Variants in MGAT4C observed in about 807,000 individuals in gnomAD.
MGAT4C encodes the protein alpha-1,3-mannosyl-glycoprotein 4-beta-N-acetylglucosaminyltransferase C.
MGAT4C carries 19 observed loss-of-function variants against 40.1 expected under a neutral mutation model. The observed-to-expected ratio is 0.47, with a 90% CI of 0.33 to 0.70. The LOEUF (loss-of-function observed/expected upper bound fraction) is 0.70. MGAT4C is among the 30% of genes least tolerant of loss of function. The pLI is 0.02. For missense variants in MGAT4C, 491 were observed against 563.2 expected (o/e 0.87, Z 1.30); for synonymous variants, 181 against 187.1 (o/e 0.97, Z 0.27).
chr12:86,214,274 C>G (rs995961163), intron 1 of MGAT4C, among the ~76,000 whole-genome samples: 24 of 152,140 alleles, frequency 1.6e-4, no homozygotes, highest in East Asian at 3.9e-4. Context: ...CTGCTCAGAT[C>G]AAAGCATCAG....
At position 86,340,342 on chromosome 12, in the gene MGAT4C, C is replaced by T. The variant is rs536862808; in HGVS notation, c.-119-6215G>A. On this transcript the variant is annotated intron_variant, in intron 3 of 7. Coordinates refer to the MGAT4C transcript ENST00000548651. ...TAAAATAACCAGGGAAATTAGAAGA[C>T]GTTTTGCATCAGATGAATGAAAATA... 2.6e-3 allele frequency among the ~76,000 whole-genome samples: 393 copies of T among 152,074 alleles called. 9 individuals carry two copies. The South Asian group carries it at 0.059, about 23-fold the overall frequency.
chr12:86,091,619 G>T (rs1324410486), intron 1 of MGAT4C, among the ~76,000 whole-genome samples: 5 of 152,036 alleles, frequency 3.3e-5, no homozygotes, highest in Non-Finnish European at 5.9e-5. Flanking sequence ...TCAGAGAAAT[G>T]CTGAGGGATT....
chr12:86,709,124 A>G (rs556901491), intron 2 of MGAT4C, among the ~76,000 whole-genome samples: 1 of 152,248 alleles, frequency 6.6e-6, no homozygotes, highest in African/African-American at 2.4e-5. Context: ...AGGTAATTGA[A>G]TCATGGGGAC....
chr12:86,208,921 C>T (rs1393847125), intron 1 of MGAT4C, among the ~76,000 whole-genome samples: 1 of 152,112 alleles, frequency 6.6e-6, no homozygotes, highest in Non-Finnish European at 1.5e-5. Context: ...TATACATTCG[C>T]TACTTACTTC....
chr12:86,561,932 G>A (rs1012612649), intron 2 of MGAT4C, among the ~76,000 whole-genome samples: 2 of 152,166 alleles, frequency 1.3e-5, no homozygotes, highest in South Asian at 4.1e-4. Context: ...TAAAAGTATA[G>A]AGAACACTGA....
chr12:86,060,038 A>G (rs1159332785), intron 1 of MGAT4C, among the ~76,000 whole-genome samples: 1 of 152,184 alleles, frequency 6.6e-6, no homozygotes, highest in African/African-American at 2.4e-5. Context: ...AAACACGCAA[A>G]CATGGCTATC....
intron 3 of MGAT4C, among the ~76,000 whole-genome samples, chr12:86,365,453 C>T (rs1955571322): frequency 6.6e-6 from 1 of 152,142 alleles, no homozygotes; most frequent in Admixed American, 6.5e-5. Flanking sequence ...AGATTAAAGA[C>T]AGGCATAGGA....
At chr12:86,154,416 C>T (rs533589950) in intron 1 of MGAT4C, among the ~76,000 whole-genome samples, 1 of 152,274 alleles carries the variant, frequency 6.6e-6, no homozygotes, top group Admixed American at 6.5e-5. Context: ...GGTCCCTCAG[C>T]TCCGGTGTAA....
chr12:86,409,329 C>T (rs1956555599), intron 3 of MGAT4C, among the ~76,000 whole-genome samples: 1 of 151,798 alleles, frequency 6.6e-6, no homozygotes. Flanking sequence ...AATTCAATGC[C>T]AAGAGCGTAA....
chr12:86,365,181 G>T (rs1229495365), intron 3 of MGAT4C, among the ~76,000 whole-genome samples: 2 of 152,138 alleles, frequency 1.3e-5, no homozygotes, highest in Middle Eastern at 3.2e-3. Flanking sequence ...CTGAGAAAAA[G>T]AATTCAGCAA....
At chr12:86,140,891 A>G (rs1416182650) in intron 1 of MGAT4C, among the ~76,000 whole-genome samples, 1 of 152,162 alleles carries the variant, frequency 6.6e-6, no homozygotes, top group Non-Finnish European at 1.5e-5. Flanking sequence ...TATTCAACCC[A>G]TAGTTATGTT....
At chr12:86,445,947 C>A (rs1276572037) in intron 2 of MGAT4C, among the ~76,000 whole-genome samples, 4 of 151,822 alleles carry the variant, frequency 2.6e-5, no homozygotes, top group Admixed American at 6.6e-5. Context: ...TATTTTATTT[C>A]CTGTTAGAGT....
rs113576028 is a variant in MGAT4C, at chr12:86,362,472, A to T, written c.-119-28345T>A. Among the ~76,000 whole-genome samples the T allele has an allele frequency of 7.7e-3, 787 of 102,078 alleles. 6 individuals carry two copies. Among genetic ancestry groups the T allele is most frequent in the African/African-American group, 0.023 (755 of 32,596 alleles). The allele number at this position is 102,078 out of a possible 152,430, so 67.0% of individuals were successfully genotyped here. On this transcript the variant is annotated intron_variant, in intron 3 of 7. Coordinates refer to the MGAT4C transcript ENST00000548651. ...TGCACATTGTGCACATGTACCCTAG[A>T]ACTTAAGGTATAATAAAAAAAATAG...
intron 2 of MGAT4C, among the ~76,000 whole-genome samples, chr12:86,462,482 G>C (rs1263934530): frequency 6.6e-6 from 1 of 152,188 alleles, no homozygotes; most frequent in Non-Finnish European, 1.5e-5. Context: ...ATTAGTCATG[G>C]TTCTCTAGAA....
At chr12:86,112,444 C>G (rs914846107) in intron 1 of MGAT4C, among the ~76,000 whole-genome samples, 11 of 151,602 alleles carry the variant, frequency 7.3e-5, no homozygotes, top group African/African-American at 2.4e-4. Flanking sequence ...TAGTGGCAGA[C>G]AGCATTGCCC....
At chr12:86,705,208 T>C (rs1247306847) in intron 2 of MGAT4C, among the ~76,000 whole-genome samples, 1 of 140,710 alleles carries the variant, frequency 7.1e-6, no homozygotes, top group Non-Finnish European at 1.5e-5. Context: ...TATCTATCTG[T>C]CTATTATCTC....
chr12:86,313,247 G>C (rs1387556151), intron 4 of MGAT4C, among the ~76,000 whole-genome samples: 3 of 152,108 alleles, frequency 2.0e-5, no homozygotes, highest in Admixed American at 1.3e-4. Flanking sequence ...TAAGTAATCT[G>C]TGTGAAATCA....
intron 2 of MGAT4C, among the ~76,000 whole-genome samples, chr12:86,697,388 C>T (rs1211883170): frequency 6.6e-6 from 1 of 151,940 alleles, no homozygotes; most frequent in African/African-American, 2.4e-5. Flanking sequence ...TAGCTGGATA[C>T]AGTTGTAACC....
chr12:85,959,822 ATTACTT>A lies in MGAT4C; in HGVS notation c.*19461_*19466del, dbSNP rs1883017229. ...AATTTTGGCTTTGTTTCTTTATGAA[ATTACTT>A]TTAGATAAAGTATTGATATTGTCAT... is the stretch of plus-strand genomic sequence containing the variant. On this transcript the variant is annotated 3_prime_UTR_variant, in exon 5 of 5. Coordinates refer to ENST00000611864, the MANE Select transcript of MGAT4C (RefSeq NM_001351288.2). 6.6e-6 allele frequency: 1 copy of A among 151,420 alleles called. No homozygotes were observed. The highest frequency in any genetic ancestry group is 1.9e-4 in the East Asian group (1 of 5,134). The allele number at this position is 151,420 out of a possible 1,614,324, so 9.4% of individuals were successfully genotyped here.
Sources: allele counts gnomAD v4.1 joint callset (sites outside exome capture counted in the v4.1 genomes callset), GRCh38; gene constraint gnomAD v4.1.1; transcripts MANE v1.5; gene names NCBI Gene and HGNC (gene_info 2026-07-23, HGNC 2026-07-21).